The following RALYL variants were observed in gnomAD, a reference collection of about 807,000 sequenced individuals.
The protein encoded by RALYL is RNA-binding Raly-like protein.
A neutral mutation model predicts 35.1 loss-of-function variants in RALYL; 29 were observed. The observed-to-expected ratio is 0.83, with a 90% confidence interval of 0.61 to 1.13. The LOEUF (loss-of-function observed/expected upper bound fraction) is 1.13. RALYL is among the 50% of genes most tolerant of loss of function. RALYL has a pLI of 0.00. For missense variants in RALYL, 359 were observed against 360.4 expected (o/e 1.00, Z 0.03); for synonymous variants, 120 against 127.6 (o/e 0.94, Z 0.40).
At chr8:84,500,376 T>A (rs1472630342) in intron 1 of RALYL, among the ~76,000 whole-genome samples, 1 of 152,154 alleles carries the variant, frequency 6.6e-6, no homozygotes, top group Non-Finnish European at 1.5e-5. Flanking sequence ...TTATCACATA[T>A]CTATATATGT....
chr8:84,574,498 A>T (rs1437323707), intron 2 of RALYL, among the ~76,000 whole-genome samples: 1 of 151,930 alleles, frequency 6.6e-6, no homozygotes, highest in Non-Finnish European at 1.5e-5. Flanking sequence ...AATTTTCCCA[A>T]ACACTTTTCT....
intron 2 of RALYL, among the ~76,000 whole-genome samples, chr8:84,531,520 A>C (rs2059276609): frequency 6.6e-6 from 1 of 151,950 alleles, no homozygotes; most frequent in Admixed American, 6.6e-5. Context: ...GTTTTCCTTA[A>C]TGTCTCCATT....
chr8:84,464,478 T>TA (rs2051270332), intron 1 of RALYL, among the ~76,000 whole-genome samples: 1 of 151,478 alleles, frequency 6.6e-6, no homozygotes, highest in African/African-American at 2.4e-5. Flanking sequence ...AACTCATCAT[T>TA]TTTATGGCTG....
At chr8:84,859,547 A>G (rs1359295613) in intron 5 of RALYL, among the ~76,000 whole-genome samples, 1 of 152,140 alleles carries the variant, frequency 6.6e-6, no homozygotes, top group African/African-American at 2.4e-5. Context: ...ACGTTACCCA[A>G]TACCTTGGTG....
intron 2 of RALYL, among the ~76,000 whole-genome samples, chr8:84,568,199 CT>C (rs2061928191): frequency 1.0e-5 from 1 of 95,474 alleles, no homozygotes; most frequent in Non-Finnish European, 1.9e-5. Flanking sequence ...TCCCTCCCCC[CT>C]CCCCCCACCC....
intron 2 of RALYL, among the ~76,000 whole-genome samples, chr8:84,675,530 T>C (rs1834025600): frequency 6.6e-6 from 1 of 152,208 alleles, no homozygotes; most frequent in Non-Finnish European, 1.5e-5. Flanking sequence ...AAAACTGAAT[T>C]ATAAAATGAA....
At chr8:84,231,142 C>T (rs544545612) in intron 1 of RALYL, among the ~76,000 whole-genome samples, 2 of 152,274 alleles carry the variant, frequency 1.3e-5, no homozygotes, top group East Asian at 1.9e-4. Context: ...TCAAAGAAGT[C>T]GTATCCTTTC....
chr8:84,308,763 A>G (rs1265199248), intron 1 of RALYL, among the ~76,000 whole-genome samples: 1 of 151,954 alleles, frequency 6.6e-6, no homozygotes, highest in Admixed American at 6.5e-5. Context: ...TGTAATACAA[A>G]TAAATAAAAA....
At chr8:84,522,542 C>A (rs13264312) in intron 1 of RALYL, among the ~76,000 whole-genome samples, 54,573 of 151,820 alleles carry the variant, frequency 0.36, 9,976 homozygotes, top group South Asian at 0.51. Context: ...AGCCACCGCG[C>A]CCGGCCTAGA....
At chr8:84,338,362 A>C (rs1848197133) in intron 1 of RALYL, among the ~76,000 whole-genome samples, 1 of 151,958 alleles carries the variant, frequency 6.6e-6, no homozygotes. Context: ...GAAAGAACAT[A>C]GAATAAGAAT....
intron 8 of RALYL, among the ~76,000 whole-genome samples, chr8:84,893,990 C>A (rs1012324645): frequency 3.9e-5 from 6 of 152,130 alleles, no homozygotes; most frequent in African/African-American, 1.4e-4. Context: ...TTCAACTAAG[C>A]AGTAAGTCAC....
chr8:84,640,355 A>G (rs1177756205), intron 2 of RALYL, among the ~76,000 whole-genome samples: 1 of 152,034 alleles, frequency 6.6e-6, no homozygotes, highest in Non-Finnish European at 1.5e-5. Context: ...AGAAAGGCAA[A>G]GAAAAACCTG....
rs533276875 is a variant in RALYL at position 84,399,301 on chromosome 8, G to A, written c.-23-129998G>A. Among the ~76,000 whole-genome samples the A allele has an allele frequency of 1.3e-4, 20 of 152,242 alleles. No individual in the cohort carries two copies. The South Asian group carries it at 4.1e-3, about 32-fold the overall frequency. On this transcript the variant is annotated intron_variant, in intron 1 of 8. Coordinates refer to ENST00000521268, the MANE Select transcript of RALYL (RefSeq NM_173848.7). ...TGAGTCTTAGAAATAGTTTCTGTTA[G>A]TGCCCCCATTTTATAGCTAGACAGT...
chr8:84,773,854 G>A (rs891283735), intron 2 of RALYL, among the ~76,000 whole-genome samples: 9 of 152,160 alleles, frequency 5.9e-5, no homozygotes, highest in African/African-American at 1.9e-4. Flanking sequence ...TCATACAAAT[G>A]TTTATGCATA....
chr8:84,761,358 A>G (rs1812667004), intron 2 of RALYL, among the ~76,000 whole-genome samples: 1 of 152,046 alleles, frequency 6.6e-6, no homozygotes, highest in Non-Finnish European at 1.5e-5. Flanking sequence ...AACTAAGCAA[A>G]GTGTCTGGAA....
chr8:84,240,534 A>C (rs1187415128), intron 1 of RALYL, among the ~76,000 whole-genome samples: 1 of 152,210 alleles, frequency 6.6e-6, no homozygotes, highest in Non-Finnish European at 1.5e-5. Context: ...AGATGATAGA[A>C]GAAATGTCAC....
intron 8 of RALYL, among the ~76,000 whole-genome samples, chr8:84,911,239 T>C (rs1365703042): frequency 6.6e-6 from 1 of 152,102 alleles, no homozygotes; most frequent in East Asian, 1.9e-4. Context: ...CAACTATCCA[T>C]TGACTAGAAT....
At chr8:84,420,862 T>C (rs1291616771) in intron 1 of RALYL, among the ~76,000 whole-genome samples, 10 of 114,484 alleles carry the variant, frequency 8.7e-5, no homozygotes, top group Admixed American at 4.5e-4. Context: ...GTTGTAGTTA[T>C]GCGGCGTTAT....
At chr8:84,256,861 C>G (rs1048620854) in intron 1 of RALYL, among the ~76,000 whole-genome samples, 5 of 152,002 alleles carry the variant, frequency 3.3e-5, no homozygotes, top group African/African-American at 1.2e-4. Context: ...AGAATTGAAT[C>G]GGGCTTCTGT....
Sources: gnomAD v4.1 joint callset for allele counts (sites outside exome capture counted in the v4.1 genomes callset) on GRCh38, gnomAD v4.1.1 for gene constraint, MANE v1.5 for transcripts, NCBI Gene and HGNC (gene_info 2026-07-23, HGNC 2026-07-21) for gene names.